Variants in HHAT observed in about 807,000 individuals in gnomAD.
The protein encoded by HHAT is protein-cysteine N-palmitoyltransferase HHAT.
HHAT carries 47 observed loss-of-function variants against 70.8 expected under a neutral mutation model. The observed-to-expected ratio is 0.66, with a 90% CI of 0.53 to 0.85. The LOEUF (loss-of-function observed/expected upper bound fraction) is 0.85. Ranked by LOEUF, HHAT falls within the 40% of genes least tolerant of loss-of-function variation. The pLI, the probability that HHAT is intolerant of heterozygous loss-of-function variation, is 0.00. For synonymous variants in HHAT, 228 were observed against 247.6 expected, an observed-to-expected ratio of 0.92 and a Z score of 0.74; for missense variants, 609 against 604.8, an observed-to-expected ratio of 1.01 and a Z score of -0.07.
chr1:210,476,490 A>T (rs763040637), intron 8 of HHAT, among the ~76,000 whole-genome samples: 10 of 152,002 alleles, frequency 6.6e-5, no homozygotes, highest in Non-Finnish European at 1.5e-4. Flanking sequence ...AATTCCTCTC[A>T]CTCACCTTAC....
intron 9 of HHAT, among the ~76,000 whole-genome samples, chr1:210,553,837 T>C (rs956209689): frequency 2.0e-5 from 3 of 152,186 alleles, no homozygotes; most frequent in African/African-American, 7.2e-5. Context: ...TATGGTTTGC[T>C]GGGCCGTGGC....
At chr1:210,400,046 G>T (rs565685770) in intron 4 of HHAT, among the ~76,000 whole-genome samples, 83 of 152,212 alleles carry the variant, frequency 5.5e-4, no homozygotes, top group Non-Finnish European at 9.1e-4. Flanking sequence ...CTAGAAATGT[G>T]TACTAATACT....
chr1:210,477,207 G>A (rs1054476478), intron 8 of HHAT, among the ~76,000 whole-genome samples: 3 of 152,130 alleles, frequency 2.0e-5, no homozygotes, highest in South Asian at 4.1e-4. Flanking sequence ...AGGGAAGCTC[G>A]ACTTACAGGT....
intron 7 of HHAT, among the ~76,000 whole-genome samples, chr1:210,421,866 C>T (rs1453622717): frequency 2.0e-5 from 3 of 152,032 alleles, no homozygotes; most frequent in African/African-American, 7.2e-5. Flanking sequence ...TGTGTAGTTG[C>T]AAATATTGAC....
intron 1 of HHAT, among the ~76,000 whole-genome samples, chr1:210,340,755 A>C (rs566716680): frequency 3.3e-5 from 5 of 152,218 alleles, no homozygotes; most frequent in Non-Finnish European, 5.9e-5. Flanking sequence ...ACGTTTAAAA[A>C]TTCTATTACA....
At chr1:210,450,595 T>A (rs1236421834) in intron 7 of HHAT, among the ~76,000 whole-genome samples, 1 of 146,462 alleles carries the variant, frequency 6.8e-6, no homozygotes, top group Non-Finnish European at 1.5e-5. Context: ...TTATAATTGG[T>A]ACATTGTAAA....
chr1:210,328,984 T>G lies in HHAT; in HGVS notation c.-164T>G, dbSNP rs1358181899. 4 of 1,343,568 alleles carry G rather than the reference T, an allele frequency of 3.0e-6. No homozygotes were observed. Among genetic ancestry groups the G allele is most frequent in the East Asian group, 6.2e-5 (2 of 32,118 alleles). 83.2% of individuals were successfully genotyped at this position (1,343,568 alleles called of 1,614,324 possible). A position where few individuals can be genotyped will look rare whatever the true frequency, so the allele number is the denominator to read the frequency against. On this transcript the variant is annotated 5_prime_UTR_variant, in exon 1 of 12. Transcript: ENST00000261458. ...CAGCTCCGGGGGAAAGAGGGTGGCG[T>G]CCCGGGGAAGCCCGCAGCCGCCGCC...
intron 7 of HHAT, among the ~76,000 whole-genome samples, chr1:210,430,520 A>G (rs1171201430): frequency 6.6e-6 from 1 of 151,842 alleles, no homozygotes; most frequent in Non-Finnish European, 1.5e-5. Flanking sequence ...AGCAACTTTG[A>G]TTTTATACTT....
At position 210,449,267 on chromosome 1, in the gene HHAT, C is replaced by A. The variant is rs557295743; in HGVS notation, c.857-15238C>A. ...GCCTTTTCCCCCCTTAGGAACAAAG[C>A]TCATCCTCTACTTTTTTTTTTTTTC... On this transcript the variant is annotated intron_variant, in intron 7 of 11. Coordinates refer to ENST00000261458, the MANE Select transcript of HHAT (RefSeq NM_018194.6). Among the ~76,000 whole-genome samples the A allele has an allele frequency of 1.1e-4, 15 of 138,018 alleles. No homozygotes were observed. In the East Asian group the frequency reaches 3.1e-3, roughly 29 times the overall value. 90.5% of individuals were successfully genotyped at this position (138,018 alleles called of 152,430 possible). A position where few individuals can be genotyped will look rare whatever the true frequency, so the allele number is the denominator to read the frequency against.
intron 7 of HHAT, among the ~76,000 whole-genome samples, chr1:210,422,273 G>A (rs1016207695): frequency 6.6e-6 from 1 of 152,038 alleles, no homozygotes; most frequent in African/African-American, 2.4e-5. Flanking sequence ...TCTTTGTGTT[G>A]GGAACATTCA....
chr1:210,418,790 T>C (rs1299076303), intron 7 of HHAT, among the ~76,000 whole-genome samples: 2 of 152,078 alleles, frequency 1.3e-5, no homozygotes, highest in African/African-American at 4.8e-5. Context: ...CCAAGCACTT[T>C]GGGAGGCTGA....
intron 1 of HHAT, among the ~76,000 whole-genome samples, chr1:210,344,668 G>A (rs758823720): frequency 1.3e-5 from 2 of 152,072 alleles, no homozygotes; most frequent in African/African-American, 2.4e-5. Context: ...ATTGCCTCCC[G>A]TTTTGGGGAG....
At chr1:210,623,701 A>T (rs762636166) in intron 11 of HHAT, 31 bp downstream of exon 11, 2 of 1,605,230 alleles carry the variant, frequency 1.2e-6, no homozygotes, top group African/African-American at 2.7e-5. Context: ...GTTTTCAGTC[A>T]GTTTCTTGTT....
At chr1:210,578,548 C>T (rs1290787891) in intron 9 of HHAT, among the ~76,000 whole-genome samples, 1 of 152,158 alleles carries the variant, frequency 6.6e-6, no homozygotes, top group East Asian at 1.9e-4. Flanking sequence ...TTATTCACAA[C>T]AGCCAAGATA....
At chr1:210,638,126 G>C (rs1277485123) in intron 11 of HHAT, among the ~76,000 whole-genome samples, 2 of 152,190 alleles carry the variant, frequency 1.3e-5, no homozygotes, top group Non-Finnish European at 2.9e-5. Context: ...TTGGGCTGCA[G>C]TCTGGTAGTT....
At chr1:210,568,853 C>G (rs1655413011) in intron 9 of HHAT, among the ~76,000 whole-genome samples, 2 of 152,068 alleles carry the variant, frequency 1.3e-5, no homozygotes, top group South Asian at 4.2e-4. Flanking sequence ...GTTCTCCTGC[C>G]CCAGTTGGTC....
chr1:210,450,607 C>CTTTT (rs35916715), intron 7 of HHAT, among the ~76,000 whole-genome samples: 13 of 140,894 alleles, frequency 9.2e-5, no homozygotes, highest in Non-Finnish European at 1.7e-4. Context: ...CATTGTAAAT[C>CTTTT]TTTTTTTTTT....
chr1:210,572,487 A>G (rs1350371515), intron 9 of HHAT, among the ~76,000 whole-genome samples: 3 of 152,094 alleles, frequency 2.0e-5, no homozygotes, highest in Non-Finnish European at 2.9e-5. Flanking sequence ...GCCACCTTAG[A>G]TGACCATTTT....
chr1:210,357,202 C>G (rs999289910), intron 2 of HHAT, among the ~76,000 whole-genome samples: 1 of 152,160 alleles, frequency 6.6e-6, no homozygotes, highest in Non-Finnish European at 1.5e-5. Context: ...GCATTTTCCT[C>G]CTGGGTTAAC....
Sources: allele counts gnomAD v4.1 joint callset (sites outside exome capture counted in the v4.1 genomes callset), GRCh38; gene constraint gnomAD v4.1.1; transcripts MANE v1.5; gene names NCBI Gene and HGNC (gene_info 2026-07-23, HGNC 2026-07-21).